ANKS1B: variants seen among roughly 807,000 people sequenced by gnomAD.
The protein encoded by ANKS1B is ankyrin repeat and sterile alpha motif domain containing 1B.
A neutral mutation model predicts 148.3 loss-of-function variants in ANKS1B; 36 were observed. The ratio of observed to expected loss-of-function variants is 0.24; its 90% CI spans 0.19 to 0.32. The LOEUF (loss-of-function observed/expected upper bound fraction) is 0.32. Ranked by LOEUF, ANKS1B falls within the 10% of genes least tolerant of loss-of-function variation. ANKS1B has a pLI of 1.00. For missense variants in ANKS1B, 1,157 were observed against 1,542.6 expected (o/e 0.75, Z 4.19); for synonymous variants, 542 against 560.8 (o/e 0.97, Z 0.47).
intron 12 of ANKS1B, among the ~76,000 whole-genome samples, chr12:99,375,169 CT>C (rs979296291): frequency 2.0e-5 from 3 of 152,314 alleles, no homozygotes; most frequent in African/African-American, 7.2e-5. Flanking sequence ...TTCAGCACTA[CT>C]GACATCCTAG....
chr12:99,426,097 A>C (rs564952075), intron 11 of ANKS1B, among the ~76,000 whole-genome samples: 1 of 152,288 alleles, frequency 6.6e-6, no homozygotes, highest in East Asian at 1.9e-4. Context: ...TGACAGAAGA[A>C]AGTGAAGTGT....
At chr12:99,921,177 C>T (rs745494369) in intron 1 of ANKS1B, among the ~76,000 whole-genome samples, 112 of 152,100 alleles carry the variant, frequency 7.4e-4, no homozygotes, top group Non-Finnish European at 1.4e-3. Flanking sequence ...CCTGTAATCC[C>T]CATCTGTCAA....
At chr12:99,879,133 C>T (rs1299694390) in intron 1 of ANKS1B, among the ~76,000 whole-genome samples, 2 of 152,116 alleles carry the variant, frequency 1.3e-5, no homozygotes, top group African/African-American at 4.8e-5. Flanking sequence ...TCAGGAAGCC[C>T]GTTAGTTTCC....
intron 17 of ANKS1B, among the ~76,000 whole-genome samples, chr12:98,964,094 G>A (rs547633700): frequency 1.2e-3 from 188 of 150,776 alleles, no homozygotes; most frequent in African/African-American, 4.2e-3. Flanking sequence ...GCAAAACTCC[G>A]CCTCAAAAAA....
chr12:99,602,526 GT>G (rs1345514689), intron 9 of ANKS1B, among the ~76,000 whole-genome samples: 1 of 152,090 alleles, frequency 6.6e-6, no homozygotes, highest in South Asian at 2.1e-4. Flanking sequence ...TGGCCTCAAA[GT>G]ATCTTCAGGT....
At chr12:99,698,361 C>A (rs1289027510) in intron 8 of ANKS1B, among the ~76,000 whole-genome samples, 4 of 151,996 alleles carry the variant, frequency 2.6e-5, no homozygotes, top group Non-Finnish European at 1.5e-5. Context: ...GGTGGCATTG[C>A]TGGTATTGTA....
chr12:99,236,309 T>C (rs1053374394), intron 14 of ANKS1B, among the ~76,000 whole-genome samples: 3 of 152,204 alleles, frequency 2.0e-5, no homozygotes, highest in African/African-American at 7.2e-5. Flanking sequence ...GCTGTAAAGA[T>C]ACTACCTGAG....
chr12:99,087,181 T>C (rs2052192494), intron 15 of ANKS1B, among the ~76,000 whole-genome samples: 1 of 152,184 alleles, frequency 6.6e-6, no homozygotes, highest in Admixed American at 6.5e-5. Context: ...GGGCGCAAAG[T>C]GAGACTAACA....
chr12:99,888,760 A>G (rs2092950792), intron 1 of ANKS1B, among the ~76,000 whole-genome samples: 1 of 152,188 alleles, frequency 6.6e-6, no homozygotes, highest in South Asian at 2.1e-4. Flanking sequence ...TAAGGTAAGG[A>G]AAGAAGAATT....
chr12:99,214,201 T>C (rs2083785511), intron 14 of ANKS1B, among the ~76,000 whole-genome samples: 1 of 152,220 alleles, frequency 6.6e-6, no homozygotes, highest in African/African-American at 2.4e-5. Context: ...ATGTAATAGT[T>C]AAATTGATGT....
At chr12:99,842,663 C>T (rs1031585420) in intron 1 of ANKS1B, among the ~76,000 whole-genome samples, 8 of 152,050 alleles carry the variant, frequency 5.3e-5, no homozygotes, top group African/African-American at 1.7e-4. Context: ...CCCTGTTCCC[C>T]GGCTATGAAT....
At chr12:98,759,917 T>C (rs1048716357) in intron 25 of ANKS1B, among the ~76,000 whole-genome samples, 3 of 151,896 alleles carry the variant, frequency 2.0e-5, no homozygotes, top group African/African-American at 7.3e-5. Flanking sequence ...GAGGTGAAGA[T>C]TGCAATGAGC....
intron 8 of ANKS1B, among the ~76,000 whole-genome samples, chr12:99,747,880 G>T (rs59515534): frequency 2.0e-5 from 3 of 152,018 alleles, no homozygotes; most frequent in African/African-American, 7.2e-5. Flanking sequence ...AACTCCTAAA[G>T]AATCCATCCA....
At chr12:99,867,945 G>A (rs2090975553) in intron 1 of ANKS1B, among the ~76,000 whole-genome samples, 2 of 152,190 alleles carry the variant, frequency 1.3e-5, no homozygotes, top group Admixed American at 6.6e-5. Flanking sequence ...CAAATCCTGC[G>A]ATATATAGAA....
chr12:98,870,013 A>C (rs2099645140), intron 17 of ANKS1B, among the ~76,000 whole-genome samples: 2 of 152,176 alleles, frequency 1.3e-5, no homozygotes, highest in South Asian at 4.1e-4. Context: ...TGCAGTAGTT[A>C]AGAGGGAATG....
At chr12:99,894,412 G>C (rs1024178582) in intron 1 of ANKS1B, among the ~76,000 whole-genome samples, 1 of 149,878 alleles carries the variant, frequency 6.7e-6, no homozygotes, top group African/African-American at 2.5e-5. Context: ...AGGAGGCTGA[G>C]ACAGGAGGAC....
In ANKS1B at chr12:99,173,276, T is replaced by C. The variant is rs116157921; in HGVS notation, c.2420-18881A>G. ...CTGGTAAATCTCTAATTCTTATAAATCAGAAGCCAGAAAAATGTCTCAACC... is the reference window on the plus strand; with the variant it reads ...CTGGTAAATCTCTAATTCTTATAAACCAGAAGCCAGAAAAATGTCTCAACC... On this transcript the variant is annotated intron_variant, in intron 14 of 26. Transcript: ENST00000683438. Among the ~76,000 whole-genome samples, 1,180 of 152,260 alleles carry C rather than the reference T, an allele frequency of 7.7e-3. 14 individuals are homozygous for C. Among genetic ancestry groups the C allele is most frequent in the African/African-American group, 0.028 (1,147 of 41,552 alleles).
At chr12:98,979,234 T>C (rs371470116) in intron 17 of ANKS1B, among the ~76,000 whole-genome samples, 4 of 152,124 alleles carry the variant, frequency 2.6e-5, no homozygotes, top group African/African-American at 9.6e-5. Context: ...TGTGTAGACC[T>C]GAGTTTTTAT....
intron 17 of ANKS1B, among the ~76,000 whole-genome samples, chr12:98,871,444 A>G (rs1347672696): frequency 6.6e-6 from 1 of 152,212 alleles, no homozygotes; most frequent in Admixed American, 6.5e-5. Context: ...GCATTTGACC[A>G]GTGAGGAAAC....
Sources: allele counts gnomAD v4.1 joint callset (sites outside exome capture counted in the v4.1 genomes callset), GRCh38; gene constraint gnomAD v4.1.1; transcripts MANE v1.5; gene names NCBI Gene and HGNC (gene_info 2026-07-23, HGNC 2026-07-21).